Variants in PHF24 observed in about 807,000 individuals in gnomAD.
PHF24 encodes Galpha inhibitory interacting protein.
PHF24 carries 25 observed loss-of-function variants against 42.6 expected under a neutral mutation model. That is an observed-to-expected ratio of 0.59 (90% confidence interval 0.43 to 0.82). PHF24 has a LOEUF of 0.82. Among genes scored for constraint, PHF24 ranks in the 40% least tolerant of loss-of-function variants. The pLI is 0.00. For missense variants in PHF24, 470 were observed against 538.1 expected, an observed-to-expected ratio of 0.87 and a Z score of 1.25; for synonymous variants, 185 against 204.8, an observed-to-expected ratio of 0.90 and a Z score of 0.83.
the PHF24 span, chr9:34,665,946 C>T: frequency 1.9e-6 from 1 of 519,062 alleles, no homozygotes; most frequent in Non-Finnish European, 3.4e-6. Context: ...GATTTGGGGC[C>T]CTGGGTGAGG....
At chr9:34,896,817 G>GAGA in the PHF24 span, among the ~76,000 whole-genome samples, 1 of 151,986 alleles carries the variant, frequency 6.6e-6, no homozygotes, top group African/African-American at 2.4e-5. Context: ...GAGTTTCCTT[G>GAGA]AGAAGTTCTT....
the PHF24 span, among the ~76,000 whole-genome samples, chr9:34,692,232 C>T: frequency 6.6e-6 from 1 of 152,128 alleles, no homozygotes; most frequent in Admixed American, 6.5e-5. Context: ...TCTGACTTAG[C>T]TTCTTTCCAT....
chr9:34,895,143 A>G, the PHF24 span: 7 of 398,400 alleles, frequency 1.8e-5, no homozygotes, highest in Admixed American at 4.4e-5. Context: ...CATATCTAAA[A>G]TGAAACAAAA....
chr9:34,917,444 C>T, the PHF24 span: 14 of 768,218 alleles, frequency 1.8e-5, no homozygotes, highest in East Asian at 9.8e-5. Flanking sequence ...GGACCCTTTC[C>T]GTAAGGATCC....
the PHF24 span, among the ~76,000 whole-genome samples, chr9:34,847,931 T>C: frequency 1.3e-5 from 2 of 152,242 alleles, no homozygotes; most frequent in South Asian, 2.1e-4. Context: ...GAACCACTCT[T>C]GCATCCCAGT....
At chr9:34,935,606 AAAG>A in the PHF24 span, among the ~76,000 whole-genome samples, 1 of 151,222 alleles carries the variant, frequency 6.6e-6, no homozygotes, top group Non-Finnish European at 1.5e-5. Context: ...AAAAAAAAAA[AAAG>A]AGAGAGAATG....
At chr9:34,669,377 C>T in the PHF24 span, among the ~76,000 whole-genome samples, 1 of 152,024 alleles carries the variant, frequency 6.6e-6, no homozygotes, top group Admixed American at 6.6e-5. Context: ...CCCCATTTTA[C>T]TCACTCATGG....
chr9:34,917,570 G>A, the PHF24 span: 2 of 776,106 alleles, frequency 2.6e-6, no homozygotes, highest in Non-Finnish European at 4.8e-6. Context: ...CCCCTGGTTT[G>A]GCATGGAGCA....
At chr9:34,772,057 A>G in the PHF24 span, among the ~76,000 whole-genome samples, 2 of 152,254 alleles carry the variant, frequency 1.3e-5, no homozygotes, top group Admixed American at 6.5e-5. Flanking sequence ...AATTCTGAAC[A>G]TTAAATCAGC....
At chr9:34,917,610 A>G in the PHF24 span, 1 of 775,884 alleles carries the variant, frequency 1.3e-6, no homozygotes. Flanking sequence ...ACAAATGGCC[A>G]CCCCTTTGGT....
intron 3 of PHF24, among the ~76,000 whole-genome samples, chr9:34,974,644 CTTCTT>C (rs1240915258): frequency 6.6e-6 from 1 of 152,106 alleles, no homozygotes; most frequent in Non-Finnish European, 1.5e-5. Context: ...GTTTAATACT[CTTCTT>C]TTCTCACTGC....
At chr9:34,691,385 C>A in the PHF24 span, 1 of 492,544 alleles carries the variant, frequency 2.0e-6, no homozygotes, top group Non-Finnish European at 3.6e-6. Context: ...CTCTTTCTGG[C>A]AGAATCGCAC....
the PHF24 span, chr9:34,727,958 C>T: frequency 2.0e-6 from 3 of 1,486,372 alleles, no homozygotes; most frequent in Non-Finnish European, 1.8e-6. Context: ...CTGCCCCAGG[C>T]CAAGCCAAGA....
At chr9:34,725,726 T>A in the PHF24 span, 1 of 1,547,396 alleles carries the variant, frequency 6.5e-7, no homozygotes. Flanking sequence ...CTGAGCTCGT[T>A]GATGGTCAGA....
At chr9:34,792,749 C>T in the PHF24 span, among the ~76,000 whole-genome samples, 6 of 151,968 alleles carry the variant, frequency 3.9e-5, no homozygotes, top group African/African-American at 7.2e-5. Context: ...GTTTATTTCC[C>T]ATTTGTTATT....
chr9:34,894,583 A>C, the PHF24 span: 1 of 398,188 alleles, frequency 2.5e-6, no homozygotes. Context: ...AGGCCTTTTA[A>C]TGAGAAGATA....
At chr9:34,667,362 TACAG>T in the PHF24 span, among the ~76,000 whole-genome samples, 118 of 152,296 alleles carry the variant, frequency 7.7e-4, no homozygotes, top group Admixed American at 1.2e-3. Context: ...CTGAGCCACA[TACAG>T]AGAGCAGACA....
the PHF24 span, among the ~76,000 whole-genome samples, chr9:34,814,408 C>T: frequency 9.2e-5 from 14 of 152,318 alleles, no homozygotes; most frequent in East Asian, 2.7e-3. Flanking sequence ...CAACAAGCAA[C>T]TTTTAGGGTT....
the PHF24 span, among the ~76,000 whole-genome samples, chr9:34,798,660 G>A: frequency 1.3e-5 from 2 of 152,134 alleles, no homozygotes; most frequent in Non-Finnish European, 2.9e-5. Context: ...ATTGTGAATC[G>A]TGCTGTGATG....
Sources: gnomAD v4.1 joint callset for allele counts (sites outside exome capture counted in the v4.1 genomes callset) on GRCh38, gnomAD v4.1.1 for gene constraint, MANE v1.5 for transcripts, NCBI Gene and HGNC (gene_info 2026-07-23, HGNC 2026-07-21) for gene names.